Variants in ZBTB7C observed in about 807,000 individuals in gnomAD.
ZBTB7C encodes the protein zinc finger and BTB domain containing 7C.
ZBTB7C carries 8 observed loss-of-function variants against 25.7 expected under a neutral mutation model. The observed-to-expected ratio is 0.31, with a 90% confidence interval of 0.18 to 0.56. The LOEUF (loss-of-function observed/expected upper bound fraction) is 0.56, where lower values mean the gene tolerates loss of function less well. Ranked by LOEUF, ZBTB7C falls within the 20% of genes least tolerant of loss-of-function variation. The pLI is 0.91. For missense variants in ZBTB7C, 824 were observed against 855.2 expected (o/e 0.96, Z 0.46); for synonymous variants, 394 against 369.0 (o/e 1.07, Z -0.78).
intron 3 of ZBTB7C, among the ~76,000 whole-genome samples, chr18:48,137,813 G>A (rs531330582): frequency 5.9e-5 from 9 of 152,292 alleles, no homozygotes; most frequent in African/African-American, 1.9e-4. Flanking sequence ...TGGAGATTCC[G>A]GCAGTCCACA....
chr18:48,191,140 G>C (rs1005443898), intron 2 of ZBTB7C, among the ~76,000 whole-genome samples: 1 of 152,210 alleles, frequency 6.6e-6, no homozygotes, highest in Non-Finnish European at 1.5e-5. Context: ...ACCTTGCAGA[G>C]GTGGGAGGGT....
At chr18:48,157,570 C>A (rs574906194) in intron 3 of ZBTB7C, among the ~76,000 whole-genome samples, 1 of 152,262 alleles carries the variant, frequency 6.6e-6, no homozygotes, top group East Asian at 1.9e-4. Context: ...TATTACTTGT[C>A]AAAATGGCAA....
chr18:48,276,003 AG>A (rs1295603394), intron 2 of ZBTB7C, among the ~76,000 whole-genome samples: 2 of 152,140 alleles, frequency 1.3e-5, no homozygotes, highest in African/African-American at 4.8e-5. Context: ...ATACAGAGGG[AG>A]GAGGGGAGAA....
At chr18:48,114,904 T>C (rs1038193078) in intron 3 of ZBTB7C, among the ~76,000 whole-genome samples, 67 of 152,200 alleles carry the variant, frequency 4.4e-4, no homozygotes, top group Non-Finnish European at 3.8e-4. Context: ...CCGTTTTTTA[T>C]TTTTTGGGAA....
At chr18:48,146,136 G>C (rs1291557780) in intron 3 of ZBTB7C, among the ~76,000 whole-genome samples, 2 of 152,114 alleles carry the variant, frequency 1.3e-5, no homozygotes, top group Admixed American at 1.3e-4. Flanking sequence ...TTGAGATGAT[G>C]GCTAGCTTTG....
chr18:48,265,279 A>C (rs539399539), intron 2 of ZBTB7C, among the ~76,000 whole-genome samples: 7 of 152,320 alleles, frequency 4.6e-5, no homozygotes, highest in African/African-American at 1.7e-4. Flanking sequence ...GATTGAGCTT[A>C]GTTCTATCCT....
At chr18:48,100,935 C>T (rs1210967492) in intron 3 of ZBTB7C, among the ~76,000 whole-genome samples, 1 of 152,010 alleles carries the variant, frequency 6.6e-6, no homozygotes, top group Admixed American at 6.6e-5. Flanking sequence ...AAACACTGTG[C>T]CCTAGTGGGG....
intron 3 of ZBTB7C, among the ~76,000 whole-genome samples, chr18:48,182,001 TG>T (rs1379714466): frequency 6.6e-6 from 1 of 152,208 alleles, no homozygotes; most frequent in Non-Finnish European, 1.5e-5. Flanking sequence ...CCAGGAGCTG[TG>T]GGCTCTGTAT....
chr18:48,181,162 T>C (rs2041910646), intron 3 of ZBTB7C, among the ~76,000 whole-genome samples: 1 of 152,156 alleles, frequency 6.6e-6, no homozygotes, highest in Non-Finnish European at 1.5e-5. Flanking sequence ...CCCTTTATCT[T>C]CATAGAAGAG....
At position 48,246,712 on chromosome 18, in the gene ZBTB7C, T is replaced by C. The variant is rs200026499; in HGVS notation, c.-78-60717A>G. On this transcript the variant is annotated intron_variant, in intron 2 of 4. Coordinates refer to ENST00000590800, the MANE Select transcript of ZBTB7C (RefSeq NM_001318841.2). Reference sequence around the variant, plus strand: ...GTTTTTAACATATCCTGTTAAAAACTAAAACTTAAAAGGATGAGACACCAT... The same window carrying C: ...GTTTTTAACATATCCTGTTAAAAACCAAAACTTAAAAGGATGAGACACCAT... Among the ~76,000 whole-genome samples, 15 of 152,212 alleles carry C rather than the reference T, an allele frequency of 9.9e-5. No individual in the cohort carries two copies. The East Asian group carries it at 2.3e-3, about 23-fold the overall frequency.
At chr18:48,225,899 C>T (rs556864317) in intron 2 of ZBTB7C, among the ~76,000 whole-genome samples, 16 of 152,272 alleles carry the variant, frequency 1.1e-4, no homozygotes, top group African/African-American at 2.4e-4. Context: ...GACACCACCA[C>T]GCCCAGCTAA....
At chr18:48,203,232 G>A (rs1387985838) in intron 2 of ZBTB7C, among the ~76,000 whole-genome samples, 1 of 152,112 alleles carries the variant, frequency 6.6e-6, no homozygotes, top group African/African-American at 2.4e-5. Context: ...ATGCACCAAG[G>A]CCTAAGGGCT....
chr18:48,365,247 G>A (rs959519495), intron 1 of ZBTB7C, among the ~76,000 whole-genome samples: 1 of 152,210 alleles, frequency 6.6e-6, no homozygotes, highest in East Asian at 1.9e-4. Flanking sequence ...CACTCATGTG[G>A]AAGTACAGAT....
chr18:48,392,602 CT>C (rs1296495552), intron 1 of ZBTB7C, among the ~76,000 whole-genome samples: 2 of 152,210 alleles, frequency 1.3e-5, no homozygotes, highest in Non-Finnish European at 2.9e-5. Flanking sequence ...AGTGTTACAG[CT>C]CTTTCAGAAC....
intron 1 of ZBTB7C, among the ~76,000 whole-genome samples, chr18:48,381,429 A>C (rs947789428): frequency 6.6e-6 from 1 of 152,242 alleles, no homozygotes; most frequent in African/African-American, 2.4e-5. Flanking sequence ...AGGTTGAAGT[A>C]GTAATAAGTA....
chr18:48,049,548 A>G (rs568112749), intron 3 of ZBTB7C, among the ~76,000 whole-genome samples: 1 of 152,338 alleles, frequency 6.6e-6, no homozygotes, highest in Admixed American at 6.5e-5. Context: ...TGAAATCACA[A>G]AAGGCAGTGG....
rs561989924 is a variant in ZBTB7C, at chr18:48,069,620, C to G, written c.-16-28497G>C. Among the ~76,000 whole-genome samples, 10 of 152,216 alleles carry G rather than the reference C, an allele frequency of 6.6e-5. No homozygotes were observed. The South Asian group carries it at 1.9e-3, about 29-fold the overall frequency. ...CGGGCCCCTCTATCCTCTCCCACCC[C>G]CTCCCCATGTATTCGGAGCCTCTAC... On this transcript the variant is annotated intron_variant, in intron 3 of 4. Transcript: ENST00000590800.
intron 3 of ZBTB7C, among the ~76,000 whole-genome samples, chr18:48,143,524 A>C (rs1210872481): frequency 6.6e-6 from 1 of 151,898 alleles, no homozygotes; most frequent in Non-Finnish European, 1.5e-5. Context: ...TCAAGAGCTG[A>C]GGTCTGGCTA....
At chr18:48,103,053 A>G (rs574246024) in intron 3 of ZBTB7C, among the ~76,000 whole-genome samples, 63 of 146,052 alleles carry the variant, frequency 4.3e-4, no homozygotes, top group African/African-American at 1.5e-3. Context: ...TATTATATAT[A>G]TATCTTGTAT....
Sources: gnomAD v4.1 joint callset for allele counts (sites outside exome capture counted in the v4.1 genomes callset) on GRCh38, gnomAD v4.1.1 for gene constraint, MANE v1.5 for transcripts, NCBI Gene and HGNC (gene_info 2026-07-23, HGNC 2026-07-21) for gene names.